The following NRG3 variants were observed in gnomAD, a reference collection of about 807,000 sequenced individuals.
The protein encoded by NRG3 is neuregulin 3, also known as pro-neuregulin-3, membrane-bound isoform.
In NRG3, 31 loss-of-function variants were observed where a neutral mutation model predicts 66.9. The ratio of observed to expected loss-of-function variants is 0.46; its 90% CI spans 0.35 to 0.63. The LOEUF is 0.63. Among genes scored for constraint, NRG3 ranks in the 20% least tolerant of loss-of-function variants. NRG3 has a pLI of 0.00. For missense variants in NRG3, 910 were observed against 878.9 expected (o/e 1.04, Z -0.45); for synonymous variants, 393 against 359.4 (o/e 1.09, Z -1.06).
chr10:82,066,202 A>G (rs1484246914), intron 1 of NRG3, among the ~76,000 whole-genome samples: 1 of 152,166 alleles, frequency 6.6e-6, no homozygotes, highest in Non-Finnish European at 1.5e-5. Context: ...TAAAACAAAT[A>G]TTATCTTGTT....
At chr10:82,425,299 GCTTT>G (rs2136272596) in intron 2 of NRG3, among the ~76,000 whole-genome samples, 1 of 152,038 alleles carries the variant, frequency 6.6e-6, no homozygotes, top group African/African-American at 2.4e-5. Context: ...AAATATTTAG[GCTTT>G]CTTAATTTTT....
At chr10:82,411,822 C>A (rs1038841029) in intron 2 of NRG3, among the ~76,000 whole-genome samples, 1 of 152,000 alleles carries the variant, frequency 6.6e-6, no homozygotes, top group Non-Finnish European at 1.5e-5. Flanking sequence ...GGGGCCTTAG[C>A]GCACCAGAAA....
intron 1 of NRG3, among the ~76,000 whole-genome samples, chr10:82,059,894 A>G (rs2064046642): frequency 6.6e-6 from 1 of 152,110 alleles, no homozygotes; most frequent in Non-Finnish European, 1.5e-5. Flanking sequence ...CAGCCATAAC[A>G]TTGTATTTGA....
intron 1 of NRG3, among the ~76,000 whole-genome samples, chr10:82,199,182 A>G (rs528712439): frequency 3.3e-5 from 5 of 151,322 alleles, no homozygotes; most frequent in East Asian, 2.0e-4. Context: ...GAAAAAAAAA[A>G]AAAAGAAAAG....
chr10:82,052,376 T>TTATGTATTGTTTA (rs68181201), intron 1 of NRG3, among the ~76,000 whole-genome samples: 36,532 of 151,954 alleles, frequency 0.24, 4,505 homozygotes, highest in Middle Eastern at 0.33. Context: ...ATTCTGCTCT[T>TTATGTATTGTTTA]TCCAAAAGAC....
intron 1 of NRG3, among the ~76,000 whole-genome samples, chr10:82,185,008 G>A (rs1462309454): frequency 6.6e-6 from 1 of 152,112 alleles, no homozygotes; most frequent in Non-Finnish European, 1.5e-5. Flanking sequence ...GCAAGTAAAA[G>A]GCAACTACAT....
intron 3 of NRG3, among the ~76,000 whole-genome samples, chr10:82,825,992 T>C (rs965806188): frequency 2.0e-5 from 3 of 152,200 alleles, no homozygotes; most frequent in African/African-American, 7.2e-5. Context: ...GATTGTCTTT[T>C]TGGAGATATT....
intron 1 of NRG3, among the ~76,000 whole-genome samples, chr10:82,348,076 T>C (rs1385433652): frequency 6.6e-6 from 1 of 151,410 alleles, no homozygotes; most frequent in Non-Finnish European, 1.5e-5. Context: ...CATTTAAAGT[T>C]AATATTGTTA....
chr10:82,343,974 C>T (rs1399213053), intron 1 of NRG3, among the ~76,000 whole-genome samples: 1 of 152,104 alleles, frequency 6.6e-6, no homozygotes, highest in African/African-American at 2.4e-5. Flanking sequence ...TCCATACATA[C>T]TTTCCAGACA....
At chr10:82,806,277 T>A (rs2061279348) in intron 3 of NRG3, among the ~76,000 whole-genome samples, 1 of 152,196 alleles carries the variant, frequency 6.6e-6, no homozygotes, top group Admixed American at 6.5e-5. Context: ...TTTTCAACAA[T>A]GACAATGACA....
At chr10:82,097,462 AAT>A (rs1229384735) in intron 1 of NRG3, among the ~76,000 whole-genome samples, 4 of 145,492 alleles carry the variant, frequency 2.7e-5, no homozygotes, top group East Asian at 2.0e-4. Flanking sequence ...ATATATCTGT[AAT>A]ATATATATGT....
intron 1 of NRG3, among the ~76,000 whole-genome samples, chr10:82,162,132 A>G (rs1039619312): frequency 1.3e-5 from 2 of 152,158 alleles, no homozygotes; most frequent in Non-Finnish European, 2.9e-5. Context: ...TTTGGTTTTC[A>G]TGGATCAATT....
intron 2 of NRG3, among the ~76,000 whole-genome samples, chr10:82,490,629 C>T (rs1225703084): frequency 6.6e-6 from 1 of 152,116 alleles, no homozygotes; most frequent in Non-Finnish European, 1.5e-5. Flanking sequence ...TCAGCTGAGA[C>T]CTGCTTTCCA....
At chr10:82,641,016 T>TAAGTAATG (rs1565156351) in intron 2 of NRG3, among the ~76,000 whole-genome samples, 1 of 12,384 alleles carries the variant, frequency 8.1e-5, no homozygotes, top group African/African-American at 4.1e-4. Context: ...TGTCGTTTTT[T>TAAGTAATG]TTTTTTTTTT....
chr10:82,735,065 A>G (rs79331390), intron 2 of NRG3, among the ~76,000 whole-genome samples: 5,444 of 151,844 alleles, frequency 0.036, 346 homozygotes, highest in African/African-American at 0.12. Flanking sequence ...AGGAAGGAAG[A>G]AAGAAAGAAA....
chr10:82,765,604 A>G (rs1405197036), intron 3 of NRG3, among the ~76,000 whole-genome samples: 1 of 152,174 alleles, frequency 6.6e-6, no homozygotes, highest in East Asian at 1.9e-4. Flanking sequence ...AGGAATGAAG[A>G]TGTTATAAAG....
intron 2 of NRG3, among the ~76,000 whole-genome samples, chr10:82,475,142 GA>G (rs993128685): frequency 1.3e-4 from 20 of 151,666 alleles, no homozygotes; most frequent in Non-Finnish European, 2.8e-4. Context: ...AAAAAGAATA[GA>G]AAAAATATAT....
chr10:82,055,258 C>T (rs951188145), intron 1 of NRG3, among the ~76,000 whole-genome samples: 5 of 151,622 alleles, frequency 3.3e-5, no homozygotes, highest in Non-Finnish European at 7.4e-5. Context: ...GCGAGCAGAT[C>T]GAGGTCAGGA....
chr10:82,404,421 T>A (rs1396511121), intron 2 of NRG3, among the ~76,000 whole-genome samples: 1 of 152,148 alleles, frequency 6.6e-6, no homozygotes, highest in Non-Finnish European at 1.5e-5. Context: ...TCTATTATTA[T>A]CCAATTTTAC....
Sources: gnomAD v4.1 joint callset for allele counts (sites outside exome capture counted in the v4.1 genomes callset) on GRCh38, gnomAD v4.1.1 for gene constraint, MANE v1.5 for transcripts, NCBI Gene and HGNC (gene_info 2026-07-23, HGNC 2026-07-21) for gene names.